FER1L6: variants seen among roughly 807,000 people sequenced by gnomAD.
The protein encoded by FER1L6 is fer-1-like protein 6.
Under a neutral mutation model 219.2 loss-of-function variants are expected in FER1L6, and 177 were observed. That is an observed-to-expected ratio of 0.81 (90% CI 0.71 to 0.91). The LOEUF is 0.91. Ranked by LOEUF, FER1L6 falls within the 40% of genes least tolerant of loss-of-function variation. The pLI, the probability that FER1L6 is intolerant of heterozygous loss-of-function variation, is 0.00. For synonymous variants in FER1L6, 768 were observed against 824.3 expected (o/e 0.93, Z 1.17); for missense variants, 2,153 against 2,259.9 (o/e 0.95, Z 0.96).
intron 39 of FER1L6, among the ~76,000 whole-genome samples, chr8:124,103,571 T>C (rs991219119): frequency 6.6e-6 from 1 of 152,232 alleles, no homozygotes. Context: ...CTTAAGATTA[T>C]GCATAAAGTC....
chr8:123,866,434 T>C (rs1259707497), intron 1 of FER1L6, among the ~76,000 whole-genome samples: 3 of 152,186 alleles, frequency 2.0e-5, no homozygotes, highest in Non-Finnish European at 4.4e-5. Flanking sequence ...CTATTGTGAA[T>C]AATGATGAAA....
intron 13 of FER1L6, among the ~76,000 whole-genome samples, chr8:124,003,682 T>A (rs1265527892): frequency 6.6e-6 from 1 of 152,028 alleles, no homozygotes; most frequent in African/African-American, 2.4e-5. Flanking sequence ...TTGGCCAGGA[T>A]GGTCTCAATC....
Position 124,064,519 on chromosome 8 carries a change from G to A in FER1L6, c.3501G>A (p.Leu1167=). 6.2e-7 allele frequency: 1 copy of A among 1,613,872 alleles called. No homozygotes were observed. Among genetic ancestry groups the A allele is most frequent in the African/African-American group, 1.3e-5 (1 of 75,046 alleles). The change falls in exon 26 of 41, where the codon CTG becomes CTA. Residue 1167 remains leucine, a synonymous_variant. Coordinates refer to ENST00000522917, the MANE Select transcript of FER1L6 (RefSeq NM_001039112.2). The stretch of plus-strand genomic sequence containing the variant: ...ACGTCCCTGACTCATCCCCGATGCT[G>A]GAGCCTGAACACACACCTGTAGCCC... ...LVDVPDSSPM[L]EPEHTPVAQE... is the part of the protein sequence containing the mutation.
At chr8:123,996,511 A>G (rs989970345) in intron 12 of FER1L6, among the ~76,000 whole-genome samples, 2 of 151,742 alleles carry the variant, frequency 1.3e-5, no homozygotes, top group African/African-American at 2.4e-5. Context: ...CTCAGTCTCT[A>G]TGTGTATTTA....
chr8:124,100,094 C>T (rs1458510282), intron 37 of FER1L6, among the ~76,000 whole-genome samples: 1 of 152,172 alleles, frequency 6.6e-6, no homozygotes. Context: ...GGGCCCATAC[C>T]CTGAGTGGTG....
At chr8:124,046,055 CA>C (rs1394096598) in intron 21 of FER1L6, 154 bp downstream of exon 21, 3 of 750,182 alleles carry the variant, frequency 4.0e-6, no homozygotes, top group Non-Finnish European at 6.1e-6. Flanking sequence ...GAAAACAGTT[CA>C]CAGAACCAAA....
rs142936548 is a variant in FER1L6, at chr8:123,950,354, G to A, written c.-7-5638G>A. Among the ~76,000 whole-genome samples the A allele has an allele frequency of 4.3e-3, 658 of 152,304 alleles. 6 individuals carry two copies. The highest frequency in any genetic ancestry group is 0.015 in the African/African-American group (613 of 41,578). ...GAGGATTGTTTCTATTGTGGGCACC[G>A]TTGGCATGCCCCAGGGTGGGCAGGA... On this transcript the variant is annotated intron_variant, in intron 1 of 40. Transcript: ENST00000522917.
rs375345900 is a variant in FER1L6 at position 124,082,283 on chromosome 8, C to A, written c.4221-5C>A. The stretch of plus-strand genomic sequence containing the variant: ...TGACTCTTGAAGTCTCTGCTTGGAC[C>A]GCAGGTCATTTGAGATCCAAGCCAC... On this transcript the variant is annotated splice_polypyrimidine_tract_variant and splice_region_variant and intron_variant, in intron 32 of 40. Coordinates refer to ENST00000522917, the MANE Select transcript of FER1L6 (RefSeq NM_001039112.2). The A allele has an allele frequency of 8.7e-6, 14 of 1,609,904 alleles. No homozygotes were observed. The Admixed American group carries it at 2.2e-4, about 25-fold the overall frequency.
At chr8:123,980,279 T>A (rs1039716526) in intron 10 of FER1L6, among the ~76,000 whole-genome samples, 186 bp from the exon 11 acceptor site, 2 of 152,198 alleles carry the variant, frequency 1.3e-5, no homozygotes, top group Admixed American at 6.5e-5. Context: ...TGAACAAGTG[T>A]AAACATGAAT....
intron 1 of FER1L6, among the ~76,000 whole-genome samples, chr8:123,930,871 C>T (rs1399262870): frequency 6.6e-6 from 1 of 152,258 alleles, no homozygotes; most frequent in East Asian, 1.9e-4. Context: ...ATGGAGATCA[C>T]GTCTATACCT....
At chr8:123,977,120 A>G (rs16899163) in intron 9 of FER1L6, among the ~76,000 whole-genome samples, 24,652 of 152,204 alleles carry the variant, frequency 0.16, 2,569 homozygotes, top group East Asian at 0.34. Flanking sequence ...ATATGAGCTC[A>G]TGGTCTAACT....
At chr8:124,074,267 A>C (rs73703924) in intron 31 of FER1L6, among the ~76,000 whole-genome samples, 5,280 of 152,262 alleles carry the variant, frequency 0.035, 294 homozygotes, top group African/African-American at 0.12. Flanking sequence ...GGATTCAGAG[A>C]CCATTAGTTC....
chr8:123,978,755 T>A (rs1586546080), intron 10 of FER1L6, among the ~76,000 whole-genome samples: 2 of 152,196 alleles, frequency 1.3e-5, no homozygotes, highest in Non-Finnish European at 2.9e-5. Flanking sequence ...TAAAGGCATG[T>A]CAAGAGCAGT....
chr8:124,076,303 C>T lies in FER1L6; in HGVS notation c.4198C>T (p.Gln1400Ter), dbSNP rs763781991. The T allele has an allele frequency of 6.2e-7, 1 of 1,613,670 alleles. No homozygotes were observed. Among genetic ancestry groups the T allele is most frequent in the East Asian group, 2.2e-5 (1 of 44,874 alleles). Residue 1400 changes from glutamine to a stop codon, truncating the protein, a stop_gained, in exon 32 of 41, where the codon CAA becomes TAA. Transcript: ENST00000522917. LOFTEE classifies it high-confidence loss of function. The part of the protein sequence containing the change: ...IKDRDKYIPK[Q>*]LNPVFGRSFE... ...AGACCGGGATAAATACATCCCTAAA[C>T]AACTGAACCCAGTATTTGGAAGGTC...
chr8:124,005,978 CT>C (rs1817637539), intron 13 of FER1L6, among the ~76,000 whole-genome samples: 1 of 152,172 alleles, frequency 6.6e-6, no homozygotes, highest in South Asian at 2.1e-4. Context: ...CAAGAATCAC[CT>C]TCTTTGGGGT....
chr8:123,913,518 G>A (rs1402916882), intron 1 of FER1L6, among the ~76,000 whole-genome samples: 3 of 152,214 alleles, frequency 2.0e-5, no homozygotes, highest in South Asian at 2.1e-4. Context: ...TGGCTGTCAG[G>A]TCACCTCTAC....
intron 11 of FER1L6, 85 bp downstream of exon 11, chr8:123,980,896 T>C (rs1304406733): frequency 4.7e-5 from 55 of 1,179,318 alleles, no homozygotes; most frequent in Non-Finnish European, 6.1e-5. Flanking sequence ...CCTGAAGGTG[T>C]TGTCAGAATA....
chr8:124,064,040 C>A (rs1820713226), intron 25 of FER1L6, among the ~76,000 whole-genome samples: 1 of 152,224 alleles, frequency 6.6e-6, no homozygotes, highest in Middle Eastern at 3.4e-3. Context: ...GAATCTGCAC[C>A]CTAAACCTTG....
intron 12 of FER1L6, among the ~76,000 whole-genome samples, chr8:123,999,989 A>T (rs1440376090): frequency 6.6e-6 from 1 of 152,124 alleles, no homozygotes; most frequent in African/African-American, 2.4e-5. Context: ...GGCCTAGACT[A>T]CCTTTCAAGT....
Sources: allele counts gnomAD v4.1 joint callset (sites outside exome capture counted in the v4.1 genomes callset), GRCh38; gene constraint gnomAD v4.1.1; transcripts MANE v1.5; gene names NCBI Gene and HGNC (gene_info 2026-07-23, HGNC 2026-07-21).